Variants in OLFM2 observed in about 807,000 individuals in gnomAD.
OLFM2 encodes the protein olfactomedin 2, also known as noelin-2.
In OLFM2, 20 loss-of-function variants were observed where a neutral mutation model predicts 43.9. The ratio of observed to expected loss-of-function variants is 0.46; its 90% CI spans 0.32 to 0.66. The LOEUF (loss-of-function observed/expected upper bound fraction) is 0.66, where lower values mean the gene tolerates loss of function less well. Ranked by LOEUF, OLFM2 falls within the 30% of genes least tolerant of loss-of-function variation. The pLI, the probability that OLFM2 is intolerant of heterozygous loss-of-function variation, is 0.04. For synonymous variants in OLFM2, 268 were observed against 278.6 expected, an observed-to-expected ratio of 0.96 and a Z score of 0.38; for missense variants, 416 against 643.6, an observed-to-expected ratio of 0.65 and a Z score of 3.83.
At chr19:9,901,427 A>AAAAC (rs140596781) in intron 1 of OLFM2, among the ~76,000 whole-genome samples, 174 of 151,724 alleles carry the variant, frequency 1.1e-3, no homozygotes, top group Middle Eastern at 3.4e-3. Context: ...CTCTGTCTCA[A>AAAAC]AAACAAACAA....
At chr19:9,906,290 G>T (rs2046785315) in intron 1 of OLFM2, among the ~76,000 whole-genome samples, 1 of 151,276 alleles carries the variant, frequency 6.6e-6, no homozygotes, top group African/African-American at 2.5e-5. Flanking sequence ...CCAGGAGGCT[G>T]CGGGCACACA....
In OLFM2 at chr19:9,854,155, C is replaced by G. The variant is rs199978707; in HGVS notation, c.*31G>C. Reference sequence around the variant, plus strand: ...AAGGGCCCCCAGCCCCCAGAGGCCCCCCAGGCAGCAGCCCGAGCCACAGCA... The same window carrying G: ...AAGGGCCCCCAGCCCCCAGAGGCCCGCCAGGCAGCAGCCCGAGCCACAGCA... On this transcript the variant is annotated 3_prime_UTR_variant, in exon 6 of 6. Coordinates refer to ENST00000264833, the MANE Select transcript of OLFM2 (RefSeq NM_058164.4). This position sits in a 1 kb window ranked among gnomAD's most constrained non-coding sequence, Gnocchi z 9.5. 1.0e-3 allele frequency: 1,641 copies of G among 1,611,064 alleles called. 2 individuals carry two copies. Among genetic ancestry groups the G allele is most frequent in the Admixed American group, 1.9e-3 (113 of 59,938 alleles).
At chr19:9,909,131 T>A (rs1282917561) in intron 1 of OLFM2, among the ~76,000 whole-genome samples, 1 of 152,160 alleles carries the variant, frequency 6.6e-6, no homozygotes. Context: ...TGAGCCACAG[T>A]GCCACTCTAA....
intron 2 of OLFM2, among the ~76,000 whole-genome samples, chr19:9,858,348 C>A (rs1011514350): frequency 4.6e-5 from 7 of 151,814 alleles, no homozygotes; most frequent in Non-Finnish European, 1.0e-4. Context: ...CCCAAGTTCC[C>A]ATGGCTGGCT....
At chr19:9,904,150 G>GTT (rs1491401888) in intron 1 of OLFM2, among the ~76,000 whole-genome samples, 1 of 126,274 alleles carries the variant, frequency 7.9e-6, no homozygotes, top group Non-Finnish European at 1.7e-5. Context: ...GCTGAGTATT[G>GTT]TTTGTGTGTG....
At chr19:9,881,013 T>G (rs2046535587) in intron 1 of OLFM2, among the ~76,000 whole-genome samples, 1 of 152,138 alleles carries the variant, frequency 6.6e-6, no homozygotes, top group African/African-American at 2.4e-5. Flanking sequence ...TTCTCCTGCC[T>G]CAGCCTCCCA....
At chr19:9,914,979 G>C (rs966086078) in intron 1 of OLFM2, among the ~76,000 whole-genome samples, 4 of 152,100 alleles carry the variant, frequency 2.6e-5, no homozygotes, top group African/African-American at 9.7e-5. Flanking sequence ...GAGCGGGGAG[G>C]GGGGCTAGGG....
rs762264887 is a variant in OLFM2, at chr19:9,918,915, G to A, written c.63+17389C>T. Among the ~76,000 whole-genome samples, 76 of 152,258 alleles carry A rather than the reference G, an allele frequency of 5.0e-4. 1 individual carries two copies. Among genetic ancestry groups the A allele is most frequent in the Non-Finnish European group, 9.8e-4 (67 of 68,022 alleles). ...GCACGGGGGCTGTTTTGGAGGTGATGAAAATGTCCTAAAATTGGATCGGGG... is the reference window on the plus strand; with the variant it reads ...GCACGGGGGCTGTTTTGGAGGTGATAAAAATGTCCTAAAATTGGATCGGGG... On this transcript the variant is annotated intron_variant, in intron 1 of 5. Coordinates refer to ENST00000264833, the MANE Select transcript of OLFM2 (RefSeq NM_058164.4).
intron 1 of OLFM2, among the ~76,000 whole-genome samples, chr19:9,908,580 G>A (rs555289340): frequency 2.1e-5 from 3 of 141,312 alleles, no homozygotes; most frequent in East Asian, 2.2e-4. Flanking sequence ...CTGGGTTCAC[G>A]CCATTCTCCT....
At chr19:9,913,646 C>G in intron 1 of OLFM2, 1 of 1,216,534 alleles carries the variant, frequency 8.2e-7, no homozygotes, top group African/African-American at 1.6e-5. Flanking sequence ...CCCGCGGCCG[C>G]CCGCCGCGCG....
intron 1 of OLFM2, among the ~76,000 whole-genome samples, chr19:9,868,027 T>C (rs1409309742): frequency 2.0e-5 from 3 of 151,888 alleles, no homozygotes; most frequent in Admixed American, 6.6e-5. Context: ...CTCTGTCTCC[T>C]GAGTAGGTGG....
At chr19:9,888,079 C>G (rs1211932640) in intron 1 of OLFM2, among the ~76,000 whole-genome samples, 2 of 152,134 alleles carry the variant, frequency 1.3e-5, no homozygotes, top group Non-Finnish European at 2.9e-5. Context: ...CTTCCACTCT[C>G]CCTCTCACTC....
intron 1 of OLFM2, among the ~76,000 whole-genome samples, chr19:9,861,145 C>G (rs1057332134): frequency 6.6e-6 from 1 of 151,908 alleles, no homozygotes; most frequent in Non-Finnish European, 1.5e-5. Context: ...GACCTCCTCT[C>G]TGCTTCCCCA....
chr19:9,870,798 T>C (rs1312185252), intron 1 of OLFM2, among the ~76,000 whole-genome samples: 1 of 152,150 alleles, frequency 6.6e-6, no homozygotes, highest in Non-Finnish European at 1.5e-5. Context: ...TGGAGGTTGC[T>C]GTAAGCCAAG....
intron 1 of OLFM2, among the ~76,000 whole-genome samples, chr19:9,902,317 T>C (rs920342419): frequency 3.3e-5 from 5 of 151,626 alleles, no homozygotes; most frequent in Middle Eastern, 3.5e-3. Context: ...CGTGAGCCAC[T>C]GCGCCCAGCC....
intron 1 of OLFM2, among the ~76,000 whole-genome samples, chr19:9,887,469 G>A (rs899592571): frequency 3.9e-5 from 6 of 152,048 alleles, no homozygotes; most frequent in East Asian, 1.9e-4. Context: ...ATGAACCACC[G>A]CACCGCCCAC....
chr19:9,921,728 G>A (rs905973132), intron 1 of OLFM2, among the ~76,000 whole-genome samples: 4 of 151,676 alleles, frequency 2.6e-5, no homozygotes, highest in East Asian at 3.9e-4. Context: ...CTCGTAATCC[G>A]CCCACCTCGG....
intron 1 of OLFM2, among the ~76,000 whole-genome samples, chr19:9,932,222 G>T (rs748611914): frequency 1.3e-5 from 2 of 151,818 alleles, no homozygotes; most frequent in Non-Finnish European, 2.9e-5. Flanking sequence ...CACTTTGGGC[G>T]GCAGATCACC....
At chr19:9,913,406 G>A (rs1374318301) in intron 1 of OLFM2, 1 of 888,560 alleles carries the variant, frequency 1.1e-6, no homozygotes, top group South Asian at 5.0e-5. Flanking sequence ...GGGGGCCCCG[G>A]GGGCTGCGGC....
Sources: allele counts gnomAD v4.1 joint callset (sites outside exome capture counted in the v4.1 genomes callset), GRCh38; gene constraint gnomAD v4.1.1; non-coding constraint Gnocchi (gnomAD v3.1); transcripts MANE v1.5; gene names NCBI Gene and HGNC (gene_info 2026-07-23, HGNC 2026-07-21).